Variants in DENND4A observed in about 807,000 individuals in gnomAD.
DENND4A encodes C-myc promoter-binding protein.
Under a neutral mutation model 199.3 loss-of-function variants are expected in DENND4A, and 70 were observed. The ratio of observed to expected loss-of-function variants is 0.35; its 90% CI spans 0.29 to 0.43. The LOEUF (loss-of-function observed/expected upper bound fraction) is 0.43. Among genes scored for constraint, DENND4A ranks in the 20% least tolerant of loss-of-function variants. DENND4A has a pLI of 1.00. For missense variants in DENND4A, 1,723 were observed against 2,255.8 expected (o/e 0.76, Z 4.78); for synonymous variants, 686 against 766.9 (o/e 0.89, Z 1.74).
intron 7 of DENND4A, among the ~76,000 whole-genome samples, chr15:65,734,401 T>C (rs1007646402): frequency 2.1e-4 from 32 of 152,188 alleles, no homozygotes; most frequent in Non-Finnish European, 4.4e-4. Flanking sequence ...TATTGTCTTG[T>C]GACCCTGACA....
chr15:65,757,155 A>G (rs1356555939), intron 2 of DENND4A, among the ~76,000 whole-genome samples: 1 of 152,048 alleles, frequency 6.6e-6, no homozygotes, highest in Non-Finnish European at 1.5e-5. Flanking sequence ...CACTGAAGAA[A>G]CCAAAAGTCA....
intron 4 of DENND4A, among the ~76,000 whole-genome samples, chr15:65,750,600 C>G (rs1347364572): frequency 6.6e-6 from 1 of 152,146 alleles, no homozygotes; most frequent in Non-Finnish European, 1.5e-5. Flanking sequence ...GGACACAAGT[C>G]AAATTGCTCA....
intron 23 of DENND4A, among the ~76,000 whole-genome samples, chr15:65,686,171 C>T (rs1350994850): frequency 6.6e-6 from 1 of 152,146 alleles, no homozygotes; most frequent in Non-Finnish European, 1.5e-5. Context: ...GCATGTCTCT[C>T]CATTTATTTA....
intron 23 of DENND4A, among the ~76,000 whole-genome samples, chr15:65,678,548 G>A (rs1487945428): frequency 6.6e-6 from 1 of 152,060 alleles, no homozygotes; most frequent in Admixed American, 6.5e-5. Flanking sequence ...TTTTCTAACT[G>A]GCTATTGTCA....
chr15:65,763,088 TAAGAG>T (rs1461310777), intron 1 of DENND4A, among the ~76,000 whole-genome samples: 3 of 152,114 alleles, frequency 2.0e-5, no homozygotes, highest in Non-Finnish European at 4.4e-5. Flanking sequence ...GACAAAGTCT[TAAGAG>T]TAGAGCCAGA....
intron 3 of DENND4A, chr15:65,753,823 TTC>T (rs1011133468): frequency 2.6e-5 from 4 of 151,654 alleles, no homozygotes; most frequent in Admixed American, 2.6e-4. Flanking sequence ...GTCAAATTAT[TTC>T]TTTCTTTCTT....
At chr15:65,716,756 TACC>T (rs2075419141) in intron 13 of DENND4A, among the ~76,000 whole-genome samples, 1 of 151,834 alleles carries the variant, frequency 6.6e-6, no homozygotes, top group Non-Finnish European at 1.5e-5. Flanking sequence ...TTTGGGTATA[TACC>T]CAGTAATGGG....
At chr15:65,774,817 CT>C (rs1268027082) in intron 1 of DENND4A, among the ~76,000 whole-genome samples, 2 of 126,876 alleles carry the variant, frequency 1.6e-5, no homozygotes, top group East Asian at 8.8e-4. Context: ...ATTATTTTTG[CT>C]TTTTTTAAAA....
At chr15:65,757,218 TA>T (rs1263994478) in intron 2 of DENND4A, among the ~76,000 whole-genome samples, 5 of 141,436 alleles carry the variant, frequency 3.5e-5, no homozygotes, top group Admixed American at 2.1e-4. Flanking sequence ...ATCTCCTCAA[TA>T]ATCAAGAGGC....
chr15:65,726,732 G>A (rs1250264815), intron 11 of DENND4A, among the ~76,000 whole-genome samples: 1 of 152,144 alleles, frequency 6.6e-6, no homozygotes. Context: ...GAGGCAGGCA[G>A]ATCACCTGAG....
At chr15:65,778,299 G>A (rs1016128516) in intron 1 of DENND4A, among the ~76,000 whole-genome samples, 2 of 152,026 alleles carry the variant, frequency 1.3e-5, no homozygotes, top group African/African-American at 2.4e-5. Flanking sequence ...AAAAGGGGGT[G>A]AGGTTTTTCT....
intron 11 of DENND4A, 107 bp downstream of exon 11, chr15:65,728,965 A>T (rs1699138667): frequency 8.8e-7 from 1 of 1,139,976 alleles, no homozygotes; most frequent in Non-Finnish European, 1.3e-6. Context: ...AACAAGGAAA[A>T]CAATATATCT....
intron 19 of DENND4A, 149 bp downstream of exon 19, chr15:65,700,902 G>C: frequency 1.0e-6 from 1 of 975,106 alleles, no homozygotes; most frequent in South Asian, 1.9e-5. Flanking sequence ...AAATCTGGTG[G>C]TTTTTAAATG....
chr15:65,659,338 T>G lies in DENND4A; in HGVS notation c.*2513A>C, dbSNP rs1308785020. On this transcript the variant is annotated 3_prime_UTR_variant, in exon 33 of 33. Coordinates refer to ENST00000443035, the MANE Select transcript of DENND4A (RefSeq NM_001320835.1). ...TATTTTCTGGTTTTTTTTTTTTTTT[T>G]TTTTTTTTTTTTTGAGACAGGGTCT... 29 of 133,906 alleles carry G rather than the reference T, an allele frequency of 2.2e-4. No individual in the cohort carries two copies. Among genetic ancestry groups the G allele is most frequent in the Middle Eastern group, 3.3e-3 (1 of 304 alleles). The allele number at this position is 133,906 out of a possible 1,614,324, so 8.3% of individuals were successfully genotyped here. A position where few individuals can be genotyped will look rare whatever the true frequency, so the allele number is the denominator to read the frequency against.
intron 14 of DENND4A, 58 bp downstream of exon 14, chr15:65,715,420 A>T (rs776809835): frequency 6.8e-7 from 1 of 1,465,234 alleles, no homozygotes; most frequent in Non-Finnish European, 9.2e-7. Flanking sequence ...TATAACTCAT[A>T]ACATTTATAA....
At position 65,777,789 on chromosome 15, in the gene DENND4A, A is replaced by T. The variant is rs146944156; in HGVS notation, c.-102+14221T>A. On this transcript the variant is annotated intron_variant, in intron 1 of 32. Coordinates refer to ENST00000443035, the MANE Select transcript of DENND4A (RefSeq NM_001320835.1). Reference sequence around the variant, plus strand: ...AGTGGCTCACACCTGTAATCCCAACACTGTGGGAGGCCAAAGTGGGCAGAT... The same window carrying T: ...AGTGGCTCACACCTGTAATCCCAACTCTGTGGGAGGCCAAAGTGGGCAGAT... Among the ~76,000 whole-genome samples the T allele has an allele frequency of 1.3e-3, 201 of 152,330 alleles. 2 individuals carry two copies. Among genetic ancestry groups the T allele is most frequent in the South Asian group, 6.2e-3 (30 of 4,826 alleles).
chr15:65,774,565 G>A (rs1219339723), intron 1 of DENND4A, among the ~76,000 whole-genome samples: 1 of 151,922 alleles, frequency 6.6e-6, no homozygotes, highest in Non-Finnish European at 1.5e-5. Flanking sequence ...CTACTTGGGA[G>A]GCTGAGGCAG....
At chr15:65,755,860 A>T (rs1415819355) in intron 3 of DENND4A, among the ~76,000 whole-genome samples, 1 of 152,362 alleles carries the variant, frequency 6.6e-6, no homozygotes, top group African/African-American at 2.4e-5. Context: ...TCCAATCAGG[A>T]TAACACTTTA....
Position 65,756,006 on chromosome 15 carries a change from T to C in DENND4A, c.311+134A>G, listed in dbSNP as rs117368219. 35 of 777,654 alleles carry C rather than the reference T, an allele frequency of 4.5e-5. No homozygotes were observed. The East Asian group carries it at 9.5e-4, about 21-fold the overall frequency. 48.2% of individuals were successfully genotyped at this position (777,654 alleles called of 1,614,324 possible). On this transcript the variant is annotated intron_variant, in intron 3 of 32. Transcript: ENST00000443035. Reference sequence around the variant, plus strand: ...AAGGAAACAGGGAGAGAATACAGGTTTCTGAATACAAACTTGTGTATTTTT... The same window carrying C: ...AAGGAAACAGGGAGAGAATACAGGTCTCTGAATACAAACTTGTGTATTTTT...
Sources: allele counts gnomAD v4.1 joint callset (sites outside exome capture counted in the v4.1 genomes callset), GRCh38; gene constraint gnomAD v4.1.1; transcripts MANE v1.5; gene names NCBI Gene and HGNC (gene_info 2026-07-23, HGNC 2026-07-21).